Variants in CLEC4C observed in about 807,000 individuals in gnomAD.
The protein encoded by CLEC4C is C-type lectin domain family 4 member C.
Under a neutral mutation model 27.7 loss-of-function variants are expected in CLEC4C, and 17 were observed. That is an observed-to-expected ratio of 0.61 (90% CI 0.42 to 0.92). The LOEUF (loss-of-function observed/expected upper bound fraction) is 0.92. Among genes scored for constraint, CLEC4C ranks in the 40% least tolerant of loss-of-function variants. The pLI, the probability that CLEC4C is intolerant of heterozygous loss-of-function variation, is 0.00. For synonymous variants in CLEC4C, 80 were observed against 80.8 expected (o/e 0.99, Z 0.06); for missense variants, 244 against 257.3 (o/e 0.95, Z 0.35).
At chr12:7,740,778 T>C (rs913967016) in intron 3 of CLEC4C, among the ~76,000 whole-genome samples, 48 of 151,836 alleles carry the variant, frequency 3.2e-4, no homozygotes, top group Admixed American at 2.0e-3. Flanking sequence ...GGCTTTAATA[T>C]TGATGGGAGC....
intron 4 of CLEC4C, among the ~76,000 whole-genome samples, chr12:7,736,790 T>C (rs755945862): frequency 7.9e-5 from 12 of 152,078 alleles, no homozygotes; most frequent in South Asian, 2.1e-4. Flanking sequence ...GTGCCTGTAG[T>C]CCCAGCTACT....
chr12:7,734,550 C>T (rs912270012), intron 4 of CLEC4C, among the ~76,000 whole-genome samples: 2 of 116,066 alleles, frequency 1.7e-5, no homozygotes, highest in Non-Finnish European at 3.6e-5. Flanking sequence ...CTGAGGCCTC[C>T]AATTTTTTTT....
intron 2 of CLEC4C, among the ~76,000 whole-genome samples, chr12:7,743,058 G>C (rs1242953775): frequency 2.6e-5 from 4 of 152,104 alleles, no homozygotes; most frequent in Admixed American, 2.6e-4. Flanking sequence ...ATACAGTCTA[G>C]TGAAGGAATT....
At chr12:7,733,448 G>C (rs1179506371) in intron 4 of CLEC4C, among the ~76,000 whole-genome samples, 3 of 150,056 alleles carry the variant, frequency 2.0e-5, no homozygotes, top group Non-Finnish European at 4.4e-5. Flanking sequence ...ATTTTTAGTA[G>C]AGATGGAGTT....
intron 3 of CLEC4C, among the ~76,000 whole-genome samples, chr12:7,739,362 C>T (rs1592094603): frequency 2.0e-5 from 3 of 152,182 alleles, no homozygotes; most frequent in East Asian, 1.9e-4. Context: ...CCGCCCGCCT[C>T]GGCCTCCCAA....
At chr12:7,746,162 C>T (rs1274575147) in intron 2 of CLEC4C, among the ~76,000 whole-genome samples, 169 bp downstream of exon 2, 7 of 144,690 alleles carry the variant, frequency 4.8e-5, no homozygotes, top group Non-Finnish European at 7.4e-5. Context: ...TGCAGTGAGC[C>T]GAGATCACGC....
chr12:7,736,898 G>A (rs756366848), intron 4 of CLEC4C, among the ~76,000 whole-genome samples: 3 of 151,662 alleles, frequency 2.0e-5, no homozygotes, highest in East Asian at 1.9e-4. Context: ...GCAAGACTCC[G>A]TCTCAAAATA....
At chr12:7,737,408 A>C in intron 4 of CLEC4C, 21 bp downstream of exon 4, 1 of 1,585,844 alleles carries the variant, frequency 6.3e-7, no homozygotes. Context: ...TTAGCTGACC[A>C]CCTTGCCTGT....
rs765213739 is a variant in CLEC4C at position 7,729,664 on chromosome 12, C to T, written c.574G>A (p.Gly192Ser). The T allele has an allele frequency of 4.3e-6, 7 of 1,613,550 alleles. No individual in the cohort carries two copies. The Admixed American group carries it at 6.7e-5, about 15-fold the overall frequency. Residue 192 changes from glycine to serine, a missense_variant, in exon 6 of 6, where the codon GGC (glycine) becomes AGC (serine). Gly to Ser is a moderately conservative substitution (Grantham distance 56). Coordinates refer to ENST00000360345, the MANE Select transcript of CLEC4C (RefSeq NM_001371390.1). ...IINFRSSEEW[G>S]WNDIHCHVPQ... is the part of the protein sequence containing the mutation. The stretch of plus-strand genomic sequence containing the variant: ...ACATGACAGTGAATGTCATTCCAGC[C>T]CCATTCTTCTGAAGAACGGAAATTT...
intron 4 of CLEC4C, 94 bp downstream of exon 4, chr12:7,737,335 T>C: frequency 9.4e-7 from 1 of 1,065,338 alleles, no homozygotes; most frequent in Non-Finnish European, 1.2e-6. Flanking sequence ...TTTTTTTTTT[T>C]TTCCTGTCTT....
intron 2 of CLEC4C, among the ~76,000 whole-genome samples, chr12:7,745,641 C>A (rs1864958467): frequency 6.6e-6 from 1 of 151,316 alleles, no homozygotes; most frequent in South Asian, 2.1e-4. Flanking sequence ...CTATATGGTC[C>A]AAGCTGGTCT....
At chr12:7,734,695 T>C (rs1864681316) in intron 4 of CLEC4C, among the ~76,000 whole-genome samples, 1 of 151,812 alleles carries the variant, frequency 6.6e-6, no homozygotes, top group Admixed American at 6.6e-5. Flanking sequence ...ATTACAGGCA[T>C]GTGCCACCAT....
chr12:7,730,121 T>C (rs1434450801), intron 5 of CLEC4C, among the ~76,000 whole-genome samples: 1 of 152,098 alleles, frequency 6.6e-6, no homozygotes, highest in Non-Finnish European at 1.5e-5. Flanking sequence ...TAGTCACAAG[T>C]ATTAATCAGG....
At chr12:7,747,273 C>G (rs1865004062) in intron 1 of CLEC4C, 45 bp downstream of exon 1, 1 of 1,591,956 alleles carries the variant, frequency 6.3e-7, no homozygotes, top group African/African-American at 1.3e-5. Flanking sequence ...CCCACTCCAT[C>G]CTGCTCCTAC....
Position 7,729,543 on chromosome 12 carries a change from T to A in CLEC4C, c.*53A>T. 6.5e-7 allele frequency: 1 copy of A among 1,550,012 alleles called. No homozygotes were observed. Among genetic ancestry groups the A allele is most frequent in the Non-Finnish European group, 8.8e-7 (1 of 1,138,310 alleles). ...ACATAAATTAAAAAATCAATTTAGC[T>A]TTCTACAACGGTGGATGCCAACCCA... On this transcript the variant is annotated 3_prime_UTR_variant, in exon 6 of 6. Coordinates refer to ENST00000360345, the MANE Select transcript of CLEC4C (RefSeq NM_001371390.1).
intron 3 of CLEC4C, among the ~76,000 whole-genome samples, chr12:7,738,066 A>G (rs1244964942): frequency 6.6e-6 from 1 of 152,182 alleles, no homozygotes; most frequent in African/African-American, 2.4e-5. Context: ...AACCATGTCC[A>G]CATCTTTAGC....
At chr12:7,739,206 G>T (rs746491373) in intron 3 of CLEC4C, among the ~76,000 whole-genome samples, 2 of 151,192 alleles carry the variant, frequency 1.3e-5, no homozygotes, top group South Asian at 4.2e-4. Flanking sequence ...TTCGCCTCCC[G>T]GGTTCAAGCA....
At chr12:7,748,161 C>T (rs1271065216), upstream of CLEC4C, among the ~76,000 whole-genome samples, 2 of 152,102 alleles carry the variant, frequency 1.3e-5, no homozygotes, top group Non-Finnish European at 1.5e-5. Context: ...GAAATAGACA[C>T]TGAGAAAGAA....
intron 5 of CLEC4C, among the ~76,000 whole-genome samples, chr12:7,730,305 A>G (rs1864565914): frequency 6.6e-6 from 1 of 152,194 alleles, no homozygotes; most frequent in African/African-American, 2.4e-5. Flanking sequence ...TACAAATGTT[A>G]AAAGTGGTAA....
Sources: gnomAD v4.1 joint callset for allele counts (sites outside exome capture counted in the v4.1 genomes callset) on GRCh38, gnomAD v4.1.1 for gene constraint, MANE v1.5 for transcripts, NCBI Gene and HGNC (gene_info 2026-07-23, HGNC 2026-07-21) for gene names.